The following AKT3 variants were observed in gnomAD, a reference collection of about 807,000 sequenced individuals.
AKT3 encodes the protein AKT serine/threonine kinase 3.
AKT3 carries 15 observed loss-of-function variants against 65.3 expected under a neutral mutation model. The observed-to-expected ratio is 0.23, with a 90% CI of 0.15 to 0.35. The LOEUF (loss-of-function observed/expected upper bound fraction) is 0.35. Ranked by LOEUF, AKT3 falls within the 10% of genes least tolerant of loss-of-function variation. The pLI is 1.00. For missense variants in AKT3, 243 were observed against 576.5 expected, an observed-to-expected ratio of 0.42 and a Z score of 5.92; for synonymous variants, 206 against 183.8, an observed-to-expected ratio of 1.12 and a Z score of -0.98.
intron 2 of AKT3, among the ~76,000 whole-genome samples, chr1:243,755,632 A>G (rs1251192598): frequency 6.6e-6 from 1 of 152,218 alleles, no homozygotes; most frequent in Non-Finnish European, 1.5e-5. Flanking sequence ...AGATTCCCCA[A>G]AGTGTTTTCT....
intron 8 of AKT3, among the ~76,000 whole-genome samples, chr1:243,575,948 G>C (rs963644160): frequency 3.3e-5 from 5 of 151,812 alleles, no homozygotes; most frequent in African/African-American, 1.2e-4. Context: ...AGAAATAATA[G>C]GACTTCTGGA....
At chr1:243,785,029 C>T (rs1691163824) in intron 2 of AKT3, among the ~76,000 whole-genome samples, 1 of 151,344 alleles carries the variant, frequency 6.6e-6, no homozygotes, top group African/African-American at 2.4e-5. Context: ...TCCCCCGTAG[C>T]TGGGATTACA....
intron 2 of AKT3, among the ~76,000 whole-genome samples, chr1:243,777,991 C>T (rs1690664653): frequency 1.3e-5 from 2 of 151,998 alleles, no homozygotes; most frequent in African/African-American, 2.4e-5. Flanking sequence ...CTAAATAGGC[C>T]CTGTTAGAAT....
intron 6 of AKT3, among the ~76,000 whole-genome samples, chr1:243,617,601 G>A (rs1176569980): frequency 1.3e-5 from 2 of 152,066 alleles, no homozygotes; most frequent in East Asian, 3.9e-4. Context: ...AAAAGTGGAG[G>A]TTATCCACTA....
chr1:243,538,433 A>G (rs1311545024), intron 12 of AKT3, among the ~76,000 whole-genome samples: 1 of 152,128 alleles, frequency 6.6e-6, no homozygotes, highest in African/African-American at 2.4e-5. Flanking sequence ...ATTTAAACCC[A>G]AGTATGTCAT....
At chr1:243,816,663 C>T (rs969885908) in intron 2 of AKT3, among the ~76,000 whole-genome samples, 3 of 151,704 alleles carry the variant, frequency 2.0e-5, no homozygotes, top group African/African-American at 7.3e-5. Flanking sequence ...AACAAAAATC[C>T]ACCGTAGAAA....
intron 2 of AKT3, among the ~76,000 whole-genome samples, chr1:243,702,487 A>G (rs893805216): frequency 1.3e-5 from 2 of 152,208 alleles, no homozygotes; most frequent in African/African-American, 4.8e-5. Context: ...TTGTAAGGAC[A>G]TAATGTAAAA....
At chr1:243,836,738 C>G (rs1042334681) in intron 2 of AKT3, among the ~76,000 whole-genome samples, 2 of 151,756 alleles carry the variant, frequency 1.3e-5, no homozygotes, top group Admixed American at 1.3e-4. Flanking sequence ...TGGAGAAACC[C>G]TGTCTCTACT....
chr1:243,491,964 G>T (rs1203092197), intron 13 of AKT3, among the ~76,000 whole-genome samples: 1 of 152,148 alleles, frequency 6.6e-6, no homozygotes, highest in African/African-American at 2.4e-5. Context: ...AAGAGAATGG[G>T]TCGGGCAATG....
intron 4 of AKT3, among the ~76,000 whole-genome samples, chr1:243,657,760 A>C (rs1681922533): frequency 6.6e-6 from 1 of 152,224 alleles, no homozygotes; most frequent in Non-Finnish European, 1.5e-5. Context: ...AGCTTCAGTA[A>C]TTAAAACAGA....
chr1:243,570,458 T>A (rs1359762236), intron 9 of AKT3, among the ~76,000 whole-genome samples: 1 of 152,160 alleles, frequency 6.6e-6, no homozygotes, highest in African/African-American at 2.4e-5. Context: ...ATCCAATGCA[T>A]CCCCCCTCTA....
At chr1:243,548,085 A>C (rs1672800234) in intron 11 of AKT3, 1 of 152,192 alleles carries the variant, frequency 6.6e-6, no homozygotes, top group East Asian at 1.9e-4. Flanking sequence ...GGATTATCCA[A>C]AAGGCATTCT....
chr1:243,625,405 T>C (rs76477718), intron 6 of AKT3, among the ~76,000 whole-genome samples: 3,686 of 152,116 alleles, frequency 0.024, 146 homozygotes, highest in African/African-American at 0.085. Context: ...CGTACTGGGA[T>C]TACCAATGTG....
chr1:243,621,251 G>A (rs565089527), intron 6 of AKT3, among the ~76,000 whole-genome samples: 3 of 152,170 alleles, frequency 2.0e-5, no homozygotes, highest in South Asian at 2.1e-4. Context: ...AGCCTCACTC[G>A]TTCACACTTT....
chr1:243,575,734 A>G (rs1156587733), intron 8 of AKT3, among the ~76,000 whole-genome samples: 1 of 152,166 alleles, frequency 6.6e-6, no homozygotes, highest in African/African-American at 2.4e-5. Context: ...GGTTTTTCAT[A>G]ATGGAAAATT....
rs956354066 is a variant in AKT3, at chr1:243,619,425, G to A, written c.562-4264C>T. Among the ~76,000 whole-genome samples, 34 of 151,804 alleles carry A rather than the reference G, an allele frequency of 2.2e-4. 6 individuals are homozygous for A. The highest frequency in any genetic ancestry group is 3.4e-3 in the Middle Eastern group (1 of 290). ...CAGTAGGTGGTTGTTAACTATAGTC[G>A]CCCTACTGAACTATCTAACACTAGG... On this transcript the variant is annotated intron_variant, in intron 6 of 13. Transcript: ENST00000673466.
intron 6 of AKT3, among the ~76,000 whole-genome samples, chr1:243,636,088 A>T (rs1337019155): frequency 6.6e-6 from 1 of 152,056 alleles, no homozygotes; most frequent in Non-Finnish European, 1.5e-5. Flanking sequence ...GAAATTAAAT[A>T]ATGGGATACA....
chr1:243,700,797 C>T (rs1033697121), intron 2 of AKT3, among the ~76,000 whole-genome samples: 1 of 152,096 alleles, frequency 6.6e-6, no homozygotes, highest in Admixed American at 6.6e-5. Flanking sequence ...CCACTGCGCC[C>T]GGCCAGGCTT....
intron 3 of AKT3, among the ~76,000 whole-genome samples, chr1:243,695,230 G>T (rs746963799): frequency 6.6e-6 from 1 of 151,998 alleles, no homozygotes; most frequent in East Asian, 1.9e-4. Context: ...GATTATGACA[G>T]GAAACTGATT....
Sources: allele counts gnomAD v4.1 joint callset (sites outside exome capture counted in the v4.1 genomes callset), GRCh38; gene constraint gnomAD v4.1.1; transcripts MANE v1.5; gene names NCBI Gene and HGNC (gene_info 2026-07-23, HGNC 2026-07-21).